GRXCR1: variants seen among roughly 807,000 people sequenced by gnomAD.
GRXCR1 encodes glutaredoxin and cysteine rich domain containing 1, also known as glutaredoxin domain-containing cysteine-rich protein 1.
A neutral mutation model predicts 27.3 loss-of-function variants in GRXCR1; 27 were observed. The ratio of observed to expected loss-of-function variants is 0.99; its 90% CI spans 0.73 to 1.37. The LOEUF (loss-of-function observed/expected upper bound fraction) is 1.37. GRXCR1 is among the 40% of genes most tolerant of loss of function. GRXCR1 has a pLI of 0.00. For synonymous variants in GRXCR1, 122 were observed against 131.1 expected (o/e 0.93, Z 0.47); for missense variants, 379 against 354.4 (o/e 1.07, Z -0.56).
At chr4:43,007,990 A>T in intron 2 of GRXCR1, among the ~76,000 whole-genome samples, 1 of 150,870 alleles carries the variant, frequency 6.6e-6, no homozygotes, top group Non-Finnish European at 1.5e-5. Flanking sequence ...GTTTTCTGTG[A>T]CTCTGGTTAT....
intron 2 of GRXCR1, among the ~76,000 whole-genome samples, chr4:43,004,278 A>C (rs541614687): frequency 1.3e-5 from 2 of 152,358 alleles, no homozygotes; most frequent in East Asian, 3.9e-4. Flanking sequence ...TTTCAGAGGA[A>C]GTATGGAAAC....
At chr4:43,019,739 A>AT (rs549322468) in intron 2 of GRXCR1, among the ~76,000 whole-genome samples, 438 of 152,188 alleles carry the variant, frequency 2.9e-3, no homozygotes, top group African/African-American at 9.7e-3. Context: ...CTGTGTTTAA[A>AT]TTTTCTCTCT....
intron 1 of GRXCR1, among the ~76,000 whole-genome samples, chr4:42,947,631 G>A (rs1747778994): frequency 6.6e-6 from 1 of 151,982 alleles, no homozygotes; most frequent in African/African-American, 2.4e-5. Flanking sequence ...TTTCCTAATG[G>A]CTAAATCTCC....
chr4:42,993,588 G>A (rs767773712), intron 2 of GRXCR1, among the ~76,000 whole-genome samples: 7 of 152,078 alleles, frequency 4.6e-5, no homozygotes, highest in East Asian at 1.9e-4. Flanking sequence ...TTGGCCTGCC[G>A]TTGGGCAAAA....
At chr4:42,925,448 G>A (rs903561001) in intron 1 of GRXCR1, among the ~76,000 whole-genome samples, 2 of 151,952 alleles carry the variant, frequency 1.3e-5, no homozygotes, top group Non-Finnish European at 2.9e-5. Context: ...CTGAATCAAA[G>A]GTTCATTTTA....
intron 1 of GRXCR1, among the ~76,000 whole-genome samples, chr4:42,960,871 C>T (rs1450022986): frequency 6.6e-6 from 1 of 151,818 alleles, no homozygotes; most frequent in Non-Finnish European, 1.5e-5. Context: ...TTCTGGGGAA[C>T]ATGTGCAGGA....
intron 1 of GRXCR1, among the ~76,000 whole-genome samples, chr4:42,922,057 G>A (rs1345679178): frequency 6.6e-6 from 1 of 152,102 alleles, no homozygotes; most frequent in Admixed American, 6.6e-5. Context: ...TACAAATGGA[G>A]GTCTAGGTTT....
intron 2 of GRXCR1, among the ~76,000 whole-genome samples, chr4:43,008,497 G>C (rs1192496860): frequency 6.6e-6 from 1 of 152,148 alleles, no homozygotes; most frequent in Non-Finnish European, 1.5e-5. Flanking sequence ...TTTAAAATCT[G>C]TGTTCTTAAC....
At chr4:42,980,113 T>C (rs1748615286) in intron 2 of GRXCR1, among the ~76,000 whole-genome samples, 1 of 151,976 alleles carries the variant, frequency 6.6e-6, no homozygotes, top group African/African-American at 2.4e-5. Flanking sequence ...CTCAGTTTTG[T>C]TGATTTATTT....
At chr4:42,905,975 C>T (rs1443363465) in intron 1 of GRXCR1, among the ~76,000 whole-genome samples, 1 of 152,156 alleles carries the variant, frequency 6.6e-6, no homozygotes, top group Non-Finnish European at 1.5e-5. Flanking sequence ...ATTTGGCTCA[C>T]ATTGGGTCAT....
At chr4:42,944,328 G>A (rs944689232) in intron 1 of GRXCR1, among the ~76,000 whole-genome samples, 1 of 151,810 alleles carries the variant, frequency 6.6e-6, no homozygotes, top group African/African-American at 2.4e-5. Flanking sequence ...TAGCACAAGC[G>A]AGAAAAAAAG....
chr4:42,996,523 C>CA (rs1363330712), intron 2 of GRXCR1, among the ~76,000 whole-genome samples: 2 of 151,854 alleles, frequency 1.3e-5, no homozygotes, highest in South Asian at 2.1e-4. Flanking sequence ...GTTTGCACAA[C>CA]AAAAAAATCT....
intron 1 of GRXCR1, among the ~76,000 whole-genome samples, chr4:42,906,055 C>T (rs746657340): frequency 1.4e-4 from 22 of 152,102 alleles, no homozygotes; most frequent in Non-Finnish European, 2.5e-4. Flanking sequence ...TCTGCCTGTC[C>T]TTGAGGATTT....
chr4:43,025,021 A>T (rs1404674132), intron 3 of GRXCR1, among the ~76,000 whole-genome samples: 2 of 152,178 alleles, frequency 1.3e-5, no homozygotes, highest in Admixed American at 1.3e-4. Flanking sequence ...AAAAATAATA[A>T]GAGCTTCATT....
rs1448210128 is a variant in GRXCR1, at chr4:42,893,611, T to G, written c.345T>G (p.Ala115=). The part of the protein sequence containing the change: ...TVRGVKYKVS[A]GQALFNNLTK... ...GAGGCGTCAAATACAAAGTGAGTGC[T>G]GGCCAGGCTCTATTTAACAATTTGA... The change falls in exon 1 of 4, where the codon GCT becomes GCG. Residue 115 remains alanine (A), a synonymous_variant. Coordinates refer to ENST00000399770, the MANE Select transcript of GRXCR1 (RefSeq NM_001080476.3). The G allele has an allele frequency of 1.2e-6, 2 of 1,613,658 alleles. No individual in the cohort carries two copies. The highest frequency in any genetic ancestry group is 1.1e-5 in the South Asian group (1 of 91,080).
chr4:43,000,722 T>C (rs1009797128), intron 2 of GRXCR1, among the ~76,000 whole-genome samples: 2 of 152,056 alleles, frequency 1.3e-5, no homozygotes, highest in African/African-American at 4.8e-5. Flanking sequence ...CCGTACCATC[T>C]TTGGTTTCAG....
chr4:42,924,875 A>G (rs1463027238), intron 1 of GRXCR1, among the ~76,000 whole-genome samples: 1 of 152,066 alleles, frequency 6.6e-6, no homozygotes, highest in African/African-American at 2.4e-5. Flanking sequence ...ATCTGGCGTC[A>G]GGGAAGTCTA....
In GRXCR1 at chr4:42,893,647, A is replaced by C. The variant is rs1315098636; in HGVS notation, c.381A>C (p.Leu127Phe). 6.2e-7 allele frequency: 1 copy of C among 1,612,894 alleles called. No individual in the cohort carries two copies. The stretch of plus-strand genomic sequence containing the variant: ...TATTTAACAATTTGACCAAAGTATT[A>C]CAGGTAAGTCATTGCTGTTTCCTTC... ...QALFNNLTKV[L>F]QQPSTDLEFD... Residue 127 changes from leucine (L) to phenylalanine (F), a missense_variant, in exon 1 of 4, where the codon TTA becomes TTC. By Grantham distance (22) the Leu-to-Phe change is conservative. Transcript: ENST00000399770.
At chr4:42,966,057 A>G (rs1560667685) in intron 2 of GRXCR1, among the ~76,000 whole-genome samples, 1 of 151,902 alleles carries the variant, frequency 6.6e-6, no homozygotes, top group Non-Finnish European at 1.5e-5. Flanking sequence ...AAAAAAAAAT[A>G]CTTTAGAAGG....
Sources: allele counts gnomAD v4.1 joint callset (sites outside exome capture counted in the v4.1 genomes callset), GRCh38; gene constraint gnomAD v4.1.1; transcripts MANE v1.5; gene names NCBI Gene and HGNC (gene_info 2026-07-23, HGNC 2026-07-21).